The following KIAA0930 variants were observed in gnomAD, a reference collection of about 807,000 sequenced individuals.
KIAA0930 encodes the protein KIAA0930.
KIAA0930 carries 24 observed loss-of-function variants against 43.9 expected under a neutral mutation model. The ratio of observed to expected loss-of-function variants is 0.55; its 90% CI spans 0.40 to 0.77. The LOEUF (loss-of-function observed/expected upper bound fraction) is 0.77, where lower values mean the gene tolerates loss of function less well. Among genes scored for constraint, KIAA0930 ranks in the 30% least tolerant of loss-of-function variants. The pLI, the probability that KIAA0930 is intolerant of heterozygous loss-of-function variation, is 0.00. For synonymous variants in KIAA0930, 259 were observed against 216.4 expected, an observed-to-expected ratio of 1.20 and a Z score of -1.73; for missense variants, 461 against 574.2, an observed-to-expected ratio of 0.80 and a Z score of 2.02.
At chr22:45,210,456 T>C (rs1027105443) in intron 2 of KIAA0930, among the ~76,000 whole-genome samples, 1 of 152,140 alleles carries the variant, frequency 6.6e-6, no homozygotes. Context: ...GGCACTCATA[T>C]GGTCACACTA....
In KIAA0930 at chr22:45,192,934, C is replaced by T. The variant is rs2083502290; in HGVS notation, c.*4242G>A. Reference sequence around the variant, plus strand: ...CAGTGAAAAAGAAAAAACAAAAGCCCCAGCAGGTGCCCATCACCCGGCTCC... The same window carrying T: ...CAGTGAAAAAGAAAAAACAAAAGCCTCAGCAGGTGCCCATCACCCGGCTCC... On this transcript the variant is annotated 3_prime_UTR_variant, in exon 10 of 10. Transcript: ENST00000336156. 6.6e-6 allele frequency: 1 copy of T among 152,258 alleles called. No individual in the cohort carries two copies. Among genetic ancestry groups the T allele is most frequent in the Non-Finnish European group, 1.5e-5 (1 of 68,122 alleles). 9.4% of individuals were successfully genotyped at this position (152,258 alleles called of 1,614,324 possible).
chr22:45,203,821 C>T, intron 6 of KIAA0930, 24 bp downstream of exon 6: 1 of 1,611,398 alleles, frequency 6.2e-7, no homozygotes, highest in South Asian at 1.1e-5. Flanking sequence ...CAGAAGAACA[C>T]CCGTGAGGCC....
rs1317133713 is a variant in KIAA0930 at position 45,217,583 on chromosome 22, T to C, written c.65-5476A>G. ...GACAAAAAGCACAAAAAATGCAAAATACATGGCACTAACTAGACTGCAAAA... is the reference window on the plus strand; with the variant it reads ...GACAAAAAGCACAAAAAATGCAAAACACATGGCACTAACTAGACTGCAAAA... On this transcript the variant is annotated intron_variant, in intron 1 of 9. Coordinates refer to ENST00000336156, the MANE Select transcript of KIAA0930 (RefSeq NM_001009880.2). Among the ~76,000 whole-genome samples the C allele has an allele frequency of 2.6e-5, 4 of 151,944 alleles. No homozygotes were observed. In the East Asian group the frequency reaches 7.7e-4, roughly 29 times the overall value.
chr22:45,211,127 A>G (rs1317463196), intron 2 of KIAA0930, among the ~76,000 whole-genome samples: 1 of 152,240 alleles, frequency 6.6e-6, no homozygotes, highest in African/African-American at 2.4e-5. Context: ...AGGCAAGACC[A>G]GGCTCCAAGT....
chr22:45,209,458 C>T (rs2147746099), intron 2 of KIAA0930, among the ~76,000 whole-genome samples: 1 of 152,320 alleles, frequency 6.6e-6, no homozygotes. Flanking sequence ...CCGCAATCTC[C>T]ATCGGCCTAG....
intron 8 of KIAA0930, among the ~76,000 whole-genome samples, chr22:45,199,134 T>A (rs2083563469): frequency 6.6e-6 from 1 of 151,944 alleles, no homozygotes; most frequent in Non-Finnish European, 1.5e-5. Flanking sequence ...GACTGCTGAG[T>A]GGCATTTTAA....
intron 1 of KIAA0930, among the ~76,000 whole-genome samples, chr22:45,237,427 C>A (rs1406981543): frequency 2.6e-5 from 4 of 152,212 alleles, no homozygotes; most frequent in African/African-American, 9.6e-5. Flanking sequence ...ACAGACAAGC[C>A]TCAAAAGCCA....
At chr22:45,234,244 T>C (rs1475418293) in intron 1 of KIAA0930, among the ~76,000 whole-genome samples, 7 of 152,090 alleles carry the variant, frequency 4.6e-5, no homozygotes, top group African/African-American at 1.2e-4. Flanking sequence ...GGAGCTGGCC[T>C]GGCCTGTGCT....
intron 8 of KIAA0930, among the ~76,000 whole-genome samples, chr22:45,198,898 G>GC (rs1163329281): frequency 6.6e-6 from 1 of 152,084 alleles, no homozygotes; most frequent in Non-Finnish European, 1.5e-5. Context: ...TGATCCACCC[G>GC]CCTCGGTCTC....
At chr22:45,218,722 G>C (rs5765220) in intron 1 of KIAA0930, among the ~76,000 whole-genome samples, 23,776 of 152,094 alleles carry the variant, frequency 0.16, 2,143 homozygotes, top group African/African-American at 0.25. Context: ...TGGCCCTGCA[G>C]GAGGATTCTC....
rs1373151431 is a variant in KIAA0930 at position 45,197,200 on chromosome 22, C to T, written c.1191G>A (p.Arg397=). 1 of 1,550,328 alleles carries T rather than the reference C, an allele frequency of 6.5e-7. No homozygotes were observed. ...HRILTDILEV[R]QKPILMT ...GCTAGGTCATCAGGATGGGCTTCTG[C>T]CGAACTTCCAGGATGTCTAGGGCCG... The change falls in exon 10 of 10, where the codon CGG becomes CGA. Residue 397 remains arginine, a synonymous_variant. Coordinates refer to ENST00000336156, the MANE Select transcript of KIAA0930 (RefSeq NM_001009880.2).
chr22:45,209,105 G>C (rs955117059), intron 2 of KIAA0930, among the ~76,000 whole-genome samples: 3 of 152,200 alleles, frequency 2.0e-5, no homozygotes, highest in African/African-American at 4.8e-5. Context: ...GAGCACTCGG[G>C]GTTCCTGGCA....
chr22:45,226,063 C>A (rs1016700623), intron 1 of KIAA0930: 2 of 357,906 alleles, frequency 5.6e-6, no homozygotes, highest in Non-Finnish European at 1.1e-5. Context: ...GTATCCACCA[C>A]AGAGAGCCAG....
intron 1 of KIAA0930, among the ~76,000 whole-genome samples, chr22:45,223,764 ATCAGCACCAGATAAGCACCCAGGG>A (rs1199406718): frequency 2.7e-5 from 4 of 148,096 alleles, no homozygotes; most frequent in African/African-American, 7.7e-5. Context: ...AGCACCCAGG[ATCAGCACCAGATAAGCACCCAGGG>A]TCAGCACTGA....
intron 6 of KIAA0930, 25 bp from the exon 7 acceptor site, chr22:45,203,209 G>A: frequency 6.4e-7 from 1 of 1,565,352 alleles, no homozygotes; most frequent in Non-Finnish European, 8.7e-7. Flanking sequence ...GGGGCAGCCT[G>A]AGTCAGGGAG....
At chr22:45,212,376 C>T in intron 1 of KIAA0930, 1 of 1,589,336 alleles carries the variant, frequency 6.3e-7, no homozygotes, top group Non-Finnish European at 8.6e-7. Context: ...CTGACTCCAG[C>T]CTGGGGATGA....
At chr22:45,203,445 G>A (rs2083607795) in intron 6 of KIAA0930, among the ~76,000 whole-genome samples, 1 of 152,182 alleles carries the variant, frequency 6.6e-6, no homozygotes, top group African/African-American at 2.4e-5. Flanking sequence ...GCTGGCTGCG[G>A]ATGGTGCCCG....
chr22:45,226,298 C>CA (rs1340361588), intron 1 of KIAA0930: 5 of 471,206 alleles, frequency 1.1e-5, no homozygotes, highest in South Asian at 7.7e-5. Flanking sequence ...CCGAGACCTT[C>CA]AAGTCCGGGC....
At chr22:45,211,813 G>A in intron 2 of KIAA0930, 143 bp downstream of exon 2, 1 of 850,184 alleles carries the variant, frequency 1.2e-6, no homozygotes. Context: ...ACAGTTCCTG[G>A]AATACAGTAG....
Sources: allele counts gnomAD v4.1 joint callset (sites outside exome capture counted in the v4.1 genomes callset), GRCh38; gene constraint gnomAD v4.1.1; transcripts MANE v1.5; gene names NCBI Gene and HGNC (gene_info 2026-07-23, HGNC 2026-07-21).